Variants in PARD3B observed in about 807,000 individuals in gnomAD.
PARD3B encodes partitioning defective 3 homolog B.
PARD3B carries 103 observed loss-of-function variants against 130.2 expected under a neutral mutation model. That is an observed-to-expected ratio of 0.79 (90% CI 0.67 to 0.93). The LOEUF (loss-of-function observed/expected upper bound fraction) is 0.93. Among genes scored for constraint, PARD3B ranks in the 40% least tolerant of loss-of-function variants. The probability of loss-of-function intolerance (pLI) is 0.00; values close to 1 mark genes in which losing one functional copy is unlikely to be tolerated. For missense variants in PARD3B, 1,609 were observed against 1,499.2 expected (o/e 1.07, Z -1.21); for synonymous variants, 583 against 553.2 (o/e 1.05, Z -0.76).
intron 18 of PARD3B, among the ~76,000 whole-genome samples, chr2:205,333,570 A>G (rs1044049871): frequency 1.3e-5 from 2 of 152,172 alleles, no homozygotes; most frequent in Admixed American, 6.5e-5. Context: ...GGACACAGCC[A>G]ATTCCATCAG....
At position 204,890,828 on chromosome 2, in the gene PARD3B, A is replaced by G. The variant is rs1406865338; in HGVS notation, c.223-74324A>G. 2.0e-5 allele frequency among the ~76,000 whole-genome samples: 3 copies of G among 152,196 alleles called. No individual in the cohort carries two copies. The highest frequency in any genetic ancestry group is 6.5e-5 in the Admixed American group (1 of 15,284). ...CACGTTTCACTGCAGCTACTACAGCATCTTTGCTGTCTGGAGGGTATTGTT... is the reference window on the plus strand; with the variant it reads ...CACGTTTCACTGCAGCTACTACAGCGTCTTTGCTGTCTGGAGGGTATTGTT... On this transcript the variant is annotated intron_variant, in intron 2 of 22. Coordinates refer to ENST00000406610, the MANE Select transcript of PARD3B (RefSeq NM_001302769.2). The surrounding 1 kb of genome is among the most constrained non-coding windows in gnomAD (Gnocchi z 4.9).
intron 20 of PARD3B, among the ~76,000 whole-genome samples, chr2:205,477,100 G>A (rs1013728377): frequency 6.6e-6 from 1 of 152,164 alleles, no homozygotes; most frequent in African/African-American, 2.4e-5. Flanking sequence ...TTTCAACCCT[G>A]AACATGAAGC....
At chr2:205,401,987 A>G (rs2111079) in intron 19 of PARD3B, among the ~76,000 whole-genome samples, 129,791 of 152,160 alleles carry the variant, frequency 0.85, 57,329 homozygotes, top group East Asian at 0.99. Context: ...TAAAGAGACC[A>G]TTCTTGTATT....
intron 20 of PARD3B, among the ~76,000 whole-genome samples, chr2:205,444,260 G>A (rs533579102): frequency 8.2e-4 from 125 of 152,260 alleles, no homozygotes; most frequent in African/African-American, 3.0e-3. Flanking sequence ...TGGGATTACA[G>A]GCATGAGCCA....
chr2:204,692,778 AT>A (rs1328654837), intron 2 of PARD3B, among the ~76,000 whole-genome samples: 1 of 152,034 alleles, frequency 6.6e-6, no homozygotes, highest in Non-Finnish European at 1.5e-5. Flanking sequence ...TGGTCATGAA[AT>A]TTTAGCTCAG....
intron 3 of PARD3B, among the ~76,000 whole-genome samples, chr2:205,014,582 G>C (rs549375946): frequency 1.3e-5 from 2 of 152,190 alleles, no homozygotes; most frequent in Non-Finnish European, 2.9e-5. Flanking sequence ...CTAATAAAAT[G>C]TGCCTATGAT....
chr2:204,546,093 C>T lies in PARD3B; in HGVS notation c.94C>T (p.Gln32Ter). ...CGGCGAGCTCACCCAGCAGGCGCTG[C>T]AGCGGTACCTGAAGACCCGGGAGAA... Reference protein sequence around the residue: ...RVGELTQQALQRYLKTREKGP... With the variant: ...RVGELTQQAL Residue 32 changes from glutamine to a stop codon, truncating the protein, a stop_gained, in exon 1 of 23, where the codon CAG (glutamine) becomes TAG (stop). Coordinates refer to ENST00000406610, the MANE Select transcript of PARD3B (RefSeq NM_001302769.2). LOFTEE classifies it high-confidence loss of function. 6.4e-7 allele frequency: 1 copy of T among 1,557,046 alleles called. No homozygotes were observed. Among genetic ancestry groups the T allele is most frequent in the Non-Finnish European group, 8.7e-7 (1 of 1,150,402 alleles).
intron 18 of PARD3B, among the ~76,000 whole-genome samples, chr2:205,392,349 A>G (rs1290064382): frequency 6.6e-6 from 1 of 152,210 alleles, no homozygotes; most frequent in Non-Finnish European, 1.5e-5. Flanking sequence ...TTTCAGGGCC[A>G]CATTCTAGAA....
Position 204,821,444 on chromosome 2 carries a change from G to T in PARD3B, c.222+135162G>T, listed in dbSNP as rs577662259. 6.3e-3 allele frequency among the ~76,000 whole-genome samples: 954 copies of T among 151,112 alleles called. 9 individuals are homozygous for T. The highest frequency in any genetic ancestry group is 0.021 in the African/African-American group (883 of 41,180). Reference sequence around the variant, plus strand: ...AAATCATCATTCTCAGTAAACTATAGCAAGAACAAAAAACCAAACACCGCA... The same window carrying T: ...AAATCATCATTCTCAGTAAACTATATCAAGAACAAAAAACCAAACACCGCA... On this transcript the variant is annotated intron_variant, in intron 2 of 22. Transcript: ENST00000406610.
At chr2:205,324,733 C>T (rs1434954129) in intron 18 of PARD3B, among the ~76,000 whole-genome samples, 1 of 151,994 alleles carries the variant, frequency 6.6e-6, no homozygotes, top group Admixed American at 6.6e-5. Flanking sequence ...CCTCTATACC[C>T]AGTCCTCCTC....
Position 205,440,277 on chromosome 2 carries a change from C to A in PARD3B, c.2742-93C>A. On this transcript the variant is annotated intron_variant, in intron 19 of 22. Transcript: ENST00000406610. This position sits in a 1 kb window ranked among gnomAD's most constrained non-coding sequence, Gnocchi z 4.2. ...AAACAGGAGAATGACAGCTAAGAGACGAGGAAGAGTTAACATAAATTCAAG... is the reference window on the plus strand; with the variant it reads ...AAACAGGAGAATGACAGCTAAGAGAAGAGGAAGAGTTAACATAAATTCAAG... 1 of 1,260,104 alleles carries A rather than the reference C, an allele frequency of 7.9e-7. No homozygotes were observed. The highest frequency in any genetic ancestry group is 1.1e-6 in the Non-Finnish European group (1 of 898,106). The allele number at this position is 1,260,104 out of a possible 1,614,324, so 78.1% of individuals were successfully genotyped here.
intron 3 of PARD3B, among the ~76,000 whole-genome samples, chr2:205,030,140 G>A (rs1209595850): frequency 1.3e-5 from 2 of 152,062 alleles, no homozygotes; most frequent in Admixed American, 6.6e-5. Flanking sequence ...TTTAAGACTC[G>A]TGAATAGGTT....
intron 2 of PARD3B, among the ~76,000 whole-genome samples, chr2:204,859,436 A>G (rs191501945): frequency 6.6e-6 from 1 of 152,338 alleles, no homozygotes; most frequent in African/African-American, 2.4e-5. Flanking sequence ...GGTTAATACA[A>G]TAAGAGCACC....
At chr2:204,730,637 C>T (rs937199889) in intron 2 of PARD3B, among the ~76,000 whole-genome samples, 5 of 148,564 alleles carry the variant, frequency 3.4e-5, no homozygotes, top group Admixed American at 2.0e-4. Flanking sequence ...GAAAAAATCA[C>T]ATAGTGATAC....
intron 18 of PARD3B, among the ~76,000 whole-genome samples, chr2:205,338,214 A>G (rs2043391285): frequency 6.7e-6 from 1 of 150,326 alleles, no homozygotes; most frequent in African/African-American, 2.5e-5. Flanking sequence ...TGTGATGGGG[A>G]AAGATTGTAG....
At chr2:204,729,525 T>C (rs2125335459) in intron 2 of PARD3B, among the ~76,000 whole-genome samples, 1 of 152,314 alleles carries the variant, frequency 6.6e-6, no homozygotes, top group African/African-American at 2.4e-5. Context: ...CAGTATAATC[T>C]TGAAATGTGA....
At chr2:205,047,819 GT>G in intron 4 of PARD3B, 129 bp downstream of exon 4, 4 of 611,372 alleles carry the variant, frequency 6.5e-6, no homozygotes, top group Non-Finnish European at 1.1e-5. Context: ...TATAGTATTA[GT>G]TATACTAATA....
At position 204,623,191 on chromosome 2, in the gene PARD3B, A is replaced by G. The variant is rs1417463030; in HGVS notation, c.121-62990A>G. Among the ~76,000 whole-genome samples, 1 of 152,184 alleles carries G rather than the reference A, an allele frequency of 6.6e-6. No homozygotes were observed. The highest frequency in any genetic ancestry group is 1.5e-5 in the Non-Finnish European group (1 of 68,016). On this transcript the variant is annotated intron_variant, in intron 1 of 22. Coordinates refer to ENST00000406610, the MANE Select transcript of PARD3B (RefSeq NM_001302769.2). The surrounding 1 kb of genome is among the most constrained non-coding windows in gnomAD (Gnocchi z 4.5). Reference sequence around the variant, plus strand: ...ATTCACAGGAAATTTCAAAGATACCACAGGGAGGTCCCACATACTATTCAC... The same window carrying G: ...ATTCACAGGAAATTTCAAAGATACCGCAGGGAGGTCCCACATACTATTCAC...
At chr2:204,599,717 T>C (rs2033433606) in intron 1 of PARD3B, among the ~76,000 whole-genome samples, 2 of 152,014 alleles carry the variant, frequency 1.3e-5, no homozygotes, top group Non-Finnish European at 1.5e-5. Flanking sequence ...GTGAGATTGC[T>C]GGATCATATG....
Sources: gnomAD v4.1 joint callset for allele counts (sites outside exome capture counted in the v4.1 genomes callset) on GRCh38, gnomAD v4.1.1 for gene constraint, Gnocchi (gnomAD v3.1) non-coding constraint, MANE v1.5 for transcripts, NCBI Gene and HGNC (gene_info 2026-07-23, HGNC 2026-07-21) for gene names.